MAPK14: variants seen among roughly 807,000 people sequenced by gnomAD.
MAPK14 encodes the protein CSAID-binding protein.
In MAPK14, 16 loss-of-function variants were observed where a neutral mutation model predicts 49.6. That is an observed-to-expected ratio of 0.32 (90% CI 0.22 to 0.49). MAPK14 has a LOEUF of 0.49. Ranked by LOEUF, MAPK14 falls within the 20% of genes least tolerant of loss-of-function variation. The pLI, the probability that MAPK14 is intolerant of heterozygous loss-of-function variation, is 0.99. For synonymous variants in MAPK14, 142 were observed against 158.0 expected (o/e 0.90, Z 0.76); for missense variants, 200 against 441.2 (o/e 0.45, Z 4.90).
chr6:36,090,530 T>A (rs984275230), intron 8 of MAPK14, among the ~76,000 whole-genome samples: 1 of 149,710 alleles, frequency 6.7e-6, no homozygotes, highest in Non-Finnish European at 1.5e-5. Flanking sequence ...TCTCTCTCTT[T>A]TTTTTTTTTT....
At chr6:36,052,946 G>A (rs1427554502) in intron 2 of MAPK14, 118 bp downstream of exon 2, 6 of 713,774 alleles carry the variant, frequency 8.4e-6, no homozygotes, top group Admixed American at 6.8e-5. Flanking sequence ...CCTGCTCCTT[G>A]TCCTGGGGTG....
intron 1 of MAPK14, among the ~76,000 whole-genome samples, chr6:36,036,594 G>A (rs144691917): frequency 3.3e-5 from 5 of 152,196 alleles, no homozygotes; most frequent in Non-Finnish European, 5.9e-5. Flanking sequence ...CCAGTCTTCA[G>A]CAGTTATCAC....
At chr6:36,114,910 C>T (rs958108235), downstream of MAPK14, among the ~76,000 whole-genome samples, 1 of 152,172 alleles carries the variant, frequency 6.6e-6, no homozygotes, top group African/African-American at 2.4e-5. Context: ...GTGTTGTCGA[C>T]ACTCAAGATA....
chr6:36,041,002 A>C (rs1340300838), intron 1 of MAPK14, among the ~76,000 whole-genome samples: 1 of 152,148 alleles, frequency 6.6e-6, no homozygotes, highest in Non-Finnish European at 1.5e-5. Flanking sequence ...TAACAGACTG[A>C]AATTTTGAAG....
chr6:36,102,604 C>T lies in MAPK14; in HGVS notation c.796C>T (p.Pro266Ser). ...RNYIQSLTQMPKMNFANVFIG... is the reference protein window; with the variant it reads ...RNYIQSLTQMSKMNFANVFIG... ...CTATATTCAGTCTTTGACTCAGATG[C>T]CGAAGATGAACTTTGCGAATGTATT... The change falls in exon 10 of 12, where the codon CCG (proline) becomes TCG (serine). Residue 266 changes from proline to serine, a missense_variant. Physicochemically the swap from Pro to Ser is moderately conservative, Grantham distance 74. This residue lies in a region of MAPK14 where 170 missense variants were observed against 407.0 expected (regional missense o/e 0.42). Transcript: ENST00000229794. 1 of 1,613,934 alleles carries T rather than the reference C, an allele frequency of 6.2e-7. No individual in the cohort carries two copies. The highest frequency in any genetic ancestry group is 8.5e-7 in the Non-Finnish European group (1 of 1,179,916).
In MAPK14 at chr6:36,100,537, A is replaced by G. The variant is rs549336516; in HGVS notation, c.763-2034A>G. Among the ~76,000 whole-genome samples, 7 of 152,268 alleles carry G rather than the reference A, an allele frequency of 4.6e-5. No individual in the cohort carries two copies. In the East Asian group the frequency reaches 1.3e-3, roughly 29 times the overall value. On this transcript the variant is annotated intron_variant, in intron 9 of 11. Transcript: ENST00000229794. ...AGTGCTTGTGAGGCGGTTTCTTTCT[A>G]GGTGCTCTGCCTGTAGCTAGGGTGT...
At position 36,028,602 on chromosome 6, in the gene MAPK14, T is replaced by TG. The variant is rs1459797749; in HGVS notation, c.116+334dup. 6.6e-6 allele frequency among the ~76,000 whole-genome samples: 1 copy of TG among 152,050 alleles called. No homozygotes were observed. The highest frequency in any genetic ancestry group is 1.5e-5 in the Non-Finnish European group (1 of 67,990). On this transcript the variant is annotated intron_variant, in intron 1 of 11. Coordinates refer to ENST00000229794, the MANE Select transcript of MAPK14 (RefSeq NM_139012.3). This position sits in a 1 kb window ranked among gnomAD's most constrained non-coding sequence, Gnocchi z 5.1. ...GGCACCGGGGGAAGGGCCGCTTCCT[T>TG]GGGGGTCTCCCTGCCTACCTGGAGC...
intron 8 of MAPK14, among the ~76,000 whole-genome samples, chr6:36,094,235 G>A (rs955841547): frequency 3.3e-5 from 5 of 152,156 alleles, no homozygotes; most frequent in Non-Finnish European, 4.4e-5. Flanking sequence ...AATGTGAGTG[G>A]ACTTGTTTCT....
At chr6:36,059,241 A>T in intron 2 of MAPK14, 48 bp from the exon 3 acceptor site, 19 of 1,207,086 alleles carry the variant, frequency 1.6e-5, no homozygotes, top group Non-Finnish European at 2.3e-5. Flanking sequence ...TGGGTACTAT[A>T]CTGAGTTTAA....
rs939175693 is a variant in MAPK14, at chr6:36,066,849, C to T, written c.306-6024C>T. Among the ~76,000 whole-genome samples, 7 of 151,716 alleles carry T rather than the reference C, an allele frequency of 4.6e-5. No individual in the cohort carries two copies. The East Asian group carries it at 9.6e-4, about 21-fold the overall frequency. ...AATAATGGTGAAAGAAATACCTAGC[C>T]GAGTTGCTTGGACTTACAGGTTATT... On this transcript the variant is annotated intron_variant, in intron 3 of 11. Coordinates refer to ENST00000229794, the MANE Select transcript of MAPK14 (RefSeq NM_139012.3).
intron 1 of MAPK14, among the ~76,000 whole-genome samples, chr6:36,034,885 ATTTC>A (rs1335205190): frequency 3.3e-4 from 45 of 137,828 alleles, no homozygotes; most frequent in Admixed American, 1.9e-3. Context: ...TTCTCGCAAT[ATTTC>A]TTTCTTTCTT....
At chr6:36,100,675 C>A (rs900675642) in intron 9 of MAPK14, among the ~76,000 whole-genome samples, 1 of 151,932 alleles carries the variant, frequency 6.6e-6, no homozygotes, top group African/African-American at 2.4e-5. Flanking sequence ...AAAAACAAAA[C>A]TGAAATATCC....
intron 3 of MAPK14, among the ~76,000 whole-genome samples, chr6:36,064,168 A>T (rs1763945086): frequency 6.6e-6 from 1 of 151,578 alleles, no homozygotes; most frequent in African/African-American, 2.4e-5. Flanking sequence ...TGTAAAGACA[A>T]GGCCTTGCTA....
chr6:36,028,297 C>A lies in MAPK14; in HGVS notation c.116+24C>A, dbSNP rs1762388614. On this transcript the variant is annotated intron_variant, in intron 1 of 11. Transcript: ENST00000229794. This position sits in a 1 kb window ranked among gnomAD's most constrained non-coding sequence, Gnocchi z 5.1. ...TGGTGAGTGTCGCTGGGCCTGGGGC[C>A]GCTGTGGGCAGGGTGGCCCCTCGCG... The A allele has an allele frequency of 6.4e-7, 1 of 1,573,962 alleles. No individual in the cohort carries two copies. Among genetic ancestry groups the A allele is most frequent in the East Asian group, 2.2e-5 (1 of 44,478 alleles).
the MAPK14 span, among the ~76,000 whole-genome samples, chr6:36,120,478 T>C: frequency 0.85 from 128,467 of 151,622 alleles, 54,558 homozygotes; most frequent in East Asian, 1. Context: ...TCTGAGACAA[T>C]TCATCCAAGC....
At chr6:36,052,197 G>C (rs1361304914) in intron 1 of MAPK14, among the ~76,000 whole-genome samples, 2 of 151,308 alleles carry the variant, frequency 1.3e-5, no homozygotes, top group Admixed American at 1.3e-4. Flanking sequence ...GGTTTCCTGG[G>C]CCTCGACTCT....
At chr6:36,043,116 C>A (rs554136689) in intron 1 of MAPK14, among the ~76,000 whole-genome samples, 44 of 149,076 alleles carry the variant, frequency 3.0e-4, no homozygotes, top group African/African-American at 8.6e-4. Context: ...AGAGCAAGAC[C>A]CCGTCTCAAA....
intron 1 of MAPK14, among the ~76,000 whole-genome samples, chr6:36,050,352 AG>A (rs1301573639): frequency 6.6e-6 from 1 of 152,242 alleles, no homozygotes; most frequent in African/African-American, 2.4e-5. Flanking sequence ...TGTTGTAGTC[AG>A]GGTACAAGTA....
At chr6:36,112,938 A>G (rs1353065693), downstream of MAPK14, among the ~76,000 whole-genome samples, 1 of 152,226 alleles carries the variant, frequency 6.6e-6, no homozygotes, top group Non-Finnish European at 1.5e-5. Flanking sequence ...GGCTTCAGGT[A>G]CTTAAGAAGC....
Sources: gnomAD v4.1 joint callset for allele counts (sites outside exome capture counted in the v4.1 genomes callset) on GRCh38, gnomAD v4.1.1 for gene constraint, gnomAD v4.1.1 regional missense constraint, Gnocchi (gnomAD v3.1) non-coding constraint, MANE v1.5 for transcripts, NCBI Gene and HGNC (gene_info 2026-07-23, HGNC 2026-07-21) for gene names.